ZFYVE26: variants seen among roughly 807,000 people sequenced by gnomAD.
ZFYVE26 encodes zinc finger FYVE-type containing 26.
ZFYVE26 carries 181 observed loss-of-function variants against 276.5 expected under a neutral mutation model. That is an observed-to-expected ratio of 0.65 (90% CI 0.58 to 0.74). The LOEUF is 0.74. Among genes scored for constraint, ZFYVE26 ranks in the 30% least tolerant of loss-of-function variants. ZFYVE26 has a pLI of 0.00. For synonymous variants in ZFYVE26, 1,129 were observed against 1,203.1 expected (o/e 0.94, Z 1.27); for missense variants, 2,821 against 3,097.9 (o/e 0.91, Z 2.12).
chr14:67,770,220 T>G (rs2039172540), intron 28 of ZFYVE26: 1 of 201,784 alleles, frequency 5.0e-6, no homozygotes, highest in African/African-American at 2.3e-5. Context: ...TCCCAGCAGT[T>G]TGGGAGGCAG....
At chr14:67,797,432 T>C (rs527892689) in intron 12 of ZFYVE26, 2 of 562,756 alleles carry the variant, frequency 3.6e-6, no homozygotes, top group South Asian at 4.1e-5. Context: ...AAGCTGCAGT[T>C]CTCAATATAT....
At chr14:67,794,056 G>A in intron 13 of ZFYVE26, 115 bp downstream of exon 13, 1 of 1,216,308 alleles carries the variant, frequency 8.2e-7, no homozygotes, top group Non-Finnish European at 1.2e-6. Flanking sequence ...CTGGCCATCT[G>A]CCAACCTTGA....
intron 13 of ZFYVE26, chr14:67,729,914 A>G (rs1163926699): frequency 4.6e-6 from 2 of 430,138 alleles, no homozygotes; most frequent in Non-Finnish European, 9.2e-6. Context: ...CCCAGGGTGA[A>G]ATCTCTTTCC....
At chr14:67,784,283 G>T in intron 20 of ZFYVE26, 51 bp downstream of exon 20, 1 of 1,493,842 alleles carries the variant, frequency 6.7e-7, no homozygotes, top group African/African-American at 1.4e-5. Context: ...TGGCTATATT[G>T]ATGAAATCAT....
intron 6 of ZFYVE26, among the ~76,000 whole-genome samples, chr14:67,805,958 C>T (rs1010220656): frequency 6.6e-6 from 1 of 152,130 alleles, no homozygotes; most frequent in African/African-American, 2.4e-5. Flanking sequence ...ACCCAGGAGG[C>T]AGAGGTTGCA....
rs766927983 is a variant in ZFYVE26, at chr14:67,775,921, C to G, written c.5160G>C (p.Leu1720=). ...IGFTMDEVDS[L]LSRYAEKALD... ...GGGCTTTCTCTGCGTATCTGGAAAG[C>G]AGTGAGTCCACCTCGTCCATAGTGA... The change falls in exon 26 of 42, where the codon CTG becomes CTC. Residue 1720 remains leucine, a synonymous_variant. Coordinates refer to ENST00000347230, the MANE Select transcript of ZFYVE26 (RefSeq NM_015346.4). The G allele has an allele frequency of 5.0e-6, 8 of 1,614,132 alleles. No homozygotes were observed. In the African/African-American group the frequency reaches 6.7e-5, roughly 13 times the overall value.
chr14:67,752,345 TG>T lies in ZFYVE26; in HGVS notation c.7369del (p.Gln2457ArgfsTer6), dbSNP rs748859465. The T allele has an allele frequency of 6.2e-7, 1 of 1,609,266 alleles. No homozygotes were observed. The highest frequency in any genetic ancestry group is 2.2e-5 in the East Asian group (1 of 44,736). Reference protein sequence around the residue: ...CLEAFKRIPPQELEGLIQAIH... With the variant: ...CLEAFKRIPPXELEGLIQAIH... ...CAAGAGGTACGGGAGGGAGTGTACC[TG>T]GGGCGGAATTCTCTTGAACGCTTCC... is the stretch of plus-strand genomic sequence containing the variant. On this transcript the variant is annotated frameshift_variant and splice_region_variant, in exon 40 of 42. Transcript: ENST00000347230. LOFTEE classifies it high-confidence loss of function.
chr14:67,779,688 G>A (rs2039444376), intron 23 of ZFYVE26, among the ~76,000 whole-genome samples: 1 of 152,164 alleles, frequency 6.6e-6, no homozygotes, highest in Admixed American at 6.5e-5. Context: ...TAGCAAAGGT[G>A]AGGACACTCA....
At chr14:67,751,863 A>G (rs1015241043) in intron 40 of ZFYVE26, among the ~76,000 whole-genome samples, 2 of 149,194 alleles carry the variant, frequency 1.3e-5, no homozygotes, top group Non-Finnish European at 3.0e-5. Flanking sequence ...CTCTGTCTCA[A>G]AAAAAAAAAA....
rs373855798 is a variant in ZFYVE26 at position 67,761,535 on chromosome 14, C to T, written c.6419G>A (p.Arg2140Gln). The change falls in exon 35 of 42, where the codon CGG (arginine) becomes CAG (glutamine). Residue 2140 changes from arginine (R) to glutamine (Q), a missense_variant. By Grantham distance (43) the Arg-to-Gln change is conservative. Coordinates refer to ENST00000347230, the MANE Select transcript of ZFYVE26 (RefSeq NM_015346.4). ...CACTGCCAGAGAAAGGCTCTGCGTC[C>T]GAAGGGTAGCTTCCAGTTCCCTCAG... ...ATLRELEATL[R>Q]TQSLSLAVIP... 2.8e-5 allele frequency: 46 copies of T among 1,614,040 alleles called. No individual in the cohort carries two copies. Among genetic ancestry groups the T allele is most frequent in the East Asian group, 1.6e-4 (7 of 44,896 alleles).
chr14:67,764,696 G>C (rs2140197249), intron 32 of ZFYVE26, among the ~76,000 whole-genome samples: 1 of 152,330 alleles, frequency 6.6e-6, no homozygotes, highest in Non-Finnish European at 1.5e-5. Context: ...AAGATTCTTA[G>C]AGTGGGCGTG....
chr14:67,798,931 C>G, intron 10 of ZFYVE26: 1 of 1,080,634 alleles, frequency 9.3e-7, no homozygotes, highest in East Asian at 2.4e-5. Context: ...CCGCTTGGCG[C>G]CTCTGATCTT....
chr14:67,801,514 A>G (rs1289030741), intron 10 of ZFYVE26, among the ~76,000 whole-genome samples: 2 of 152,222 alleles, frequency 1.3e-5, no homozygotes, highest in African/African-American at 4.8e-5. Flanking sequence ...TTCCAAAGCT[A>G]GGAGAGAGGG....
In ZFYVE26 at chr14:67,733,735, C is replaced by G. The variant is rs754471567; in HGVS notation, n.2680-3916G>C. 5 of 1,588,218 alleles carry G rather than the reference C, an allele frequency of 3.1e-6. No homozygotes were observed. The South Asian group carries it at 4.4e-5, about 14-fold the overall frequency. ...CATTCCTGGAATTTACTGTCTTTCT[C>G]TGCCCTCCAGTGACTGCAAGAGGAC... On this transcript the variant is annotated intron_variant and non_coding_transcript_variant, in intron 13 of 14. Coordinates refer to the ZFYVE26 transcript ENST00000394455.
Position 67,777,546 on chromosome 14 carries a change from G to A in ZFYVE26, c.4974+13C>T. On this transcript the variant is annotated intron_variant, in intron 25 of 41. Coordinates refer to ENST00000347230, the MANE Select transcript of ZFYVE26 (RefSeq NM_015346.4). ...CCCACATACAGCGCCTGGATTTCAC[G>A]GTGTATCCTTACCTTGGATCCCACA... 5 of 1,613,114 alleles carry A rather than the reference G, an allele frequency of 3.1e-6. No homozygotes were observed. Among genetic ancestry groups the A allele is most frequent in the Non-Finnish European group, 4.2e-6 (5 of 1,179,772 alleles).
At chr14:67,786,311 T>C (rs1378329757) in intron 16 of ZFYVE26, 78 bp from the exon 17 acceptor site, 1 of 1,507,936 alleles carries the variant, frequency 6.6e-7, no homozygotes, top group East Asian at 2.5e-5. Flanking sequence ...CAGTCCTGTA[T>C]TTACCTGTGA....
At chr14:67,751,639 C>T (rs997025496) in intron 40 of ZFYVE26, 7 of 187,870 alleles carry the variant, frequency 3.7e-5, no homozygotes, top group African/African-American at 1.2e-4. Flanking sequence ...TTTGGGAGGC[C>T]GAGGTGGGTA....
intron 16 of ZFYVE26, 122 bp downstream of exon 16, chr14:67,789,213 T>A: frequency 7.2e-7 from 1 of 1,389,014 alleles, no homozygotes. Context: ...GTGACAAAAT[T>A]TCATAATCCA....
chr14:67,799,239 A>G, intron 10 of ZFYVE26: 1 of 1,613,370 alleles, frequency 6.2e-7, no homozygotes, highest in Non-Finnish European at 8.5e-7. Context: ...CTGGACTTCA[A>G]GGGTGACATG....
Sources: allele counts gnomAD v4.1 joint callset (sites outside exome capture counted in the v4.1 genomes callset), GRCh38; gene constraint gnomAD v4.1.1; transcripts MANE v1.5; gene names NCBI Gene and HGNC (gene_info 2026-07-23, HGNC 2026-07-21).